Variants in RYR2 observed in about 807,000 individuals in gnomAD.
The protein encoded by RYR2 is ryanodine receptor 2.
Under a neutral mutation model 601.1 loss-of-function variants are expected in RYR2, and 227 were observed. The ratio of observed to expected loss-of-function variants is 0.38; its 90% confidence interval spans 0.34 to 0.42. The LOEUF is 0.42. RYR2 is among the 10% of genes least tolerant of loss of function. The pLI is 1.00. For synonymous variants in RYR2, 2,223 were observed against 2,175.1 expected (o/e 1.02, Z -0.61); for missense variants, 4,646 against 6,156.5 (o/e 0.75, Z 8.21).
chr1:237,192,786 T>C (rs987292406), intron 1 of RYR2, among the ~76,000 whole-genome samples: 4 of 152,194 alleles, frequency 2.6e-5, no homozygotes, highest in African/African-American at 9.6e-5. Context: ...TTGATTTTTA[T>C]TTTACTTCAT....
intron 28 of RYR2, among the ~76,000 whole-genome samples, chr1:237,567,498 G>A (rs981351979): frequency 6.6e-6 from 1 of 151,806 alleles, no homozygotes; most frequent in African/African-American, 2.4e-5. Flanking sequence ...GCTGAGGTGA[G>A]AGGATTGCTT....
intron 1 of RYR2, among the ~76,000 whole-genome samples, chr1:237,218,157 G>T (rs1233006928): frequency 1.3e-5 from 2 of 152,104 alleles, no homozygotes; most frequent in African/African-American, 4.8e-5. Flanking sequence ...AAATAAACAA[G>T]ATTATAGATT....
At chr1:237,377,077 G>T (rs1354092815) in intron 7 of RYR2, among the ~76,000 whole-genome samples, 3 of 152,130 alleles carry the variant, frequency 2.0e-5, no homozygotes, top group Non-Finnish European at 2.9e-5. Context: ...AATAAACATC[G>T]CTTTAAAGCA....
intron 1 of RYR2, among the ~76,000 whole-genome samples, chr1:237,094,281 G>A (rs1238452177): frequency 6.6e-6 from 1 of 152,194 alleles, no homozygotes; most frequent in Non-Finnish European, 1.5e-5. Context: ...TTGGTTCTAT[G>A]GGGGCTCAGT....
chr1:237,477,048 G>C (rs142639412), intron 17 of RYR2, among the ~76,000 whole-genome samples: 2 of 152,014 alleles, frequency 1.3e-5, no homozygotes, highest in Non-Finnish European at 2.9e-5. Context: ...GTCTTGTCTC[G>C]TAAAACCCAC....
intron 1 of RYR2, among the ~76,000 whole-genome samples, chr1:237,249,809 C>T (rs552425629): frequency 6.6e-6 from 1 of 152,274 alleles, no homozygotes; most frequent in African/African-American, 2.4e-5. Context: ...CTCATTCAAT[C>T]ATCAAACACT....
intron 48 of RYR2, among the ~76,000 whole-genome samples, chr1:237,647,058 A>G (rs1310543949): frequency 6.6e-6 from 1 of 152,212 alleles, no homozygotes; most frequent in East Asian, 1.9e-4. Context: ...ACGGTTTAAG[A>G]TAATAGAACA....
chr1:237,804,477 C>T (rs768107935), intron 98 of RYR2, among the ~76,000 whole-genome samples: 1 of 151,958 alleles, frequency 6.6e-6, no homozygotes, highest in Non-Finnish European at 1.5e-5. Flanking sequence ...GCCGCTTCCC[C>T]AAATGGGTGG....
intron 1 of RYR2, among the ~76,000 whole-genome samples, chr1:237,223,299 G>A (rs1356059278): frequency 6.6e-6 from 1 of 152,162 alleles, no homozygotes; most frequent in Non-Finnish European, 1.5e-5. Flanking sequence ...ATGGCTAAAG[G>A]TGGGCAAGAG....
At position 237,543,765 on chromosome 1, in the gene RYR2, T is replaced by A. The variant is rs377307955; in HGVS notation, c.2907-4666T>A. 9.8e-5 allele frequency among the ~76,000 whole-genome samples: 15 copies of A among 152,348 alleles called. No individual in the cohort carries two copies. The East Asian group carries it at 1.9e-3, about 20-fold the overall frequency. On this transcript the variant is annotated intron_variant, in intron 25 of 104. Transcript: ENST00000366574. The stretch of plus-strand genomic sequence containing the variant: ...TTTTTGGTATTCTGCCTTGTTTTTG[T>A]TAAATCACTTTAATTGGCCCTTTAA...
At chr1:237,463,538 A>G (rs1486643149) in intron 16 of RYR2, among the ~76,000 whole-genome samples, 1 of 152,128 alleles carries the variant, frequency 6.6e-6, no homozygotes, top group Non-Finnish European at 1.5e-5. Flanking sequence ...GAATGATTAA[A>G]TTCATAGAAT....
At chr1:237,343,010 A>G (rs58395953) in intron 3 of RYR2, among the ~76,000 whole-genome samples, 4,492 of 152,180 alleles carry the variant, frequency 0.03, 220 homozygotes, top group African/African-American at 0.1. Context: ...GGAGTTTGAG[A>G]CCAGCTTGGG....
chr1:237,455,622 G>C (rs1244368543), intron 15 of RYR2, among the ~76,000 whole-genome samples: 2 of 152,094 alleles, frequency 1.3e-5, no homozygotes, highest in East Asian at 3.8e-4. Flanking sequence ...ACCAGAAAGG[G>C]TTATTACTAG....
At chr1:237,049,289 G>A (rs1444211462) in intron 1 of RYR2, among the ~76,000 whole-genome samples, 1 of 152,154 alleles carries the variant, frequency 6.6e-6, no homozygotes, top group Admixed American at 6.5e-5. Context: ...AGCTGTCAGG[G>A]GGTGAGGTGA....
At chr1:237,598,899 G>T (rs1214159959) in intron 34 of RYR2, among the ~76,000 whole-genome samples, 1 of 151,984 alleles carries the variant, frequency 6.6e-6, no homozygotes, top group African/African-American at 2.4e-5. Context: ...CCTTTAGCTA[G>T]ACAAAGAAAG....
intron 3 of RYR2, among the ~76,000 whole-genome samples, chr1:237,340,133 T>C (rs1294601866): frequency 6.6e-6 from 1 of 152,216 alleles, no homozygotes; most frequent in African/African-American, 2.4e-5. Context: ...GAAATGTTTA[T>C]ATTTGGGACC....
At chr1:237,624,932 C>A (rs1365661276) in intron 39 of RYR2, among the ~76,000 whole-genome samples, 1 of 151,734 alleles carries the variant, frequency 6.6e-6, no homozygotes, top group Non-Finnish European at 1.5e-5. Flanking sequence ...GAATGAAGTA[C>A]CACTAAATGA....
intron 40 of RYR2, 21 bp from the exon 41 acceptor site, chr1:237,627,786 A>T (rs1350908845): frequency 3.2e-6 from 5 of 1,556,286 alleles, no homozygotes; most frequent in Non-Finnish European, 4.4e-6. Flanking sequence ...CTTTTAAAAA[A>T]TATCCATAAT....
chr1:237,589,348 T>C (rs1401985813), intron 29 of RYR2, among the ~76,000 whole-genome samples: 1 of 152,128 alleles, frequency 6.6e-6, no homozygotes, highest in Non-Finnish European at 1.5e-5. Flanking sequence ...CTGTGTCTGG[T>C]GTTAGTATGT....
Sources: gnomAD v4.1 joint callset for allele counts (sites outside exome capture counted in the v4.1 genomes callset) on GRCh38, gnomAD v4.1.1 for gene constraint, MANE v1.5 for transcripts, NCBI Gene and HGNC (gene_info 2026-07-23, HGNC 2026-07-21) for gene names.